ARHGAP24: variants seen among roughly 807,000 people sequenced by gnomAD.
ARHGAP24 encodes Rho GTPase activating protein 24.
Under a neutral mutation model 76.4 loss-of-function variants are expected in ARHGAP24, and 50 were observed. That is an observed-to-expected ratio of 0.65 (90% confidence interval 0.52 to 0.83). The LOEUF (loss-of-function observed/expected upper bound fraction) is 0.83. Ranked by LOEUF, ARHGAP24 falls within the 40% of genes least tolerant of loss-of-function variation. The probability of loss-of-function intolerance (pLI) is 0.00; values close to 1 mark genes in which losing one functional copy is unlikely to be tolerated. For missense variants in ARHGAP24, 930 were observed against 914.2 expected, an observed-to-expected ratio of 1.02 and a Z score of -0.22; for synonymous variants, 345 against 323.3, an observed-to-expected ratio of 1.07 and a Z score of -0.72.
chr4:85,650,204 C>T (rs1215948594), intron 2 of ARHGAP24, among the ~76,000 whole-genome samples: 1 of 137,592 alleles, frequency 7.3e-6, no homozygotes, highest in Non-Finnish European at 1.5e-5. Context: ...GATGTTATTA[C>T]CAGTGAAGCA....
intron 3 of ARHGAP24, among the ~76,000 whole-genome samples, chr4:85,772,255 G>GT (rs1261666693): frequency 1.3e-5 from 2 of 152,130 alleles, no homozygotes; most frequent in Non-Finnish European, 2.9e-5. Flanking sequence ...AAGTTTGCCT[G>GT]TAAGAGTCTT....
chr4:85,795,602 G>T (rs1728310763), intron 3 of ARHGAP24, among the ~76,000 whole-genome samples: 1 of 151,998 alleles, frequency 6.6e-6, no homozygotes, highest in Non-Finnish European at 1.5e-5. Context: ...CTCTTTATTT[G>T]TATGTTATTT....
chr4:85,697,539 A>G (rs1723914250), intron 2 of ARHGAP24, among the ~76,000 whole-genome samples: 1 of 152,266 alleles, frequency 6.6e-6, no homozygotes, highest in African/African-American at 2.4e-5. Context: ...AAACCAGTGA[A>G]CATACTTACA....
At chr4:85,699,105 AGT>A (rs1223754616) in intron 2 of ARHGAP24, among the ~76,000 whole-genome samples, 1 of 152,188 alleles carries the variant, frequency 6.6e-6, no homozygotes, top group Non-Finnish European at 1.5e-5. Flanking sequence ...TCAGCCCATA[AGT>A]GGATATTTTT....
intron 1 of ARHGAP24, among the ~76,000 whole-genome samples, chr4:85,514,540 C>A (rs926504574): frequency 6.6e-6 from 1 of 151,536 alleles, no homozygotes; most frequent in South Asian, 2.1e-4. Context: ...ATATATAATC[C>A]ATGTCCCACT....
At position 85,633,367 on chromosome 4, in the gene ARHGAP24, A is replaced by G. The variant is rs535095214; in HGVS notation, c.180+62646A>G. On this transcript the variant is annotated intron_variant, in intron 2 of 9. Transcript: ENST00000395184. ...TTACCCAGTACAAATGATTTTTGGC[A>G]AATTAGCATATAGTCTGCTCCTTTC... 7.9e-5 allele frequency among the ~76,000 whole-genome samples: 12 copies of G among 152,036 alleles called. No individual in the cohort carries two copies. In the South Asian group the frequency reaches 2.5e-3, roughly 31 times the overall value.
chr4:85,888,337 T>C (rs1733687910), intron 3 of ARHGAP24, among the ~76,000 whole-genome samples: 1 of 149,096 alleles, frequency 6.7e-6, no homozygotes, highest in Non-Finnish European at 1.5e-5. Context: ...GAGGCAGAGG[T>C]TGCAGTGAGC....
At chr4:85,483,742 A>G (rs1722909741) in intron 1 of ARHGAP24, among the ~76,000 whole-genome samples, 1 of 152,094 alleles carries the variant, frequency 6.6e-6, no homozygotes, top group South Asian at 2.1e-4. Flanking sequence ...TGTGCTTCTG[A>G]TTATTTATAA....
In ARHGAP24 at chr4:85,871,460, G is replaced by A. The variant is rs147006463; in HGVS notation, c.269-52188G>A. Among the ~76,000 whole-genome samples the A allele has an allele frequency of 1.3e-3, 196 of 152,170 alleles. 1 individual carries two copies. The highest frequency in any genetic ancestry group is 4.6e-3 in the African/African-American group (190 of 41,514). On this transcript the variant is annotated intron_variant, in intron 3 of 9. Coordinates refer to ENST00000395184, the MANE Select transcript of ARHGAP24 (RefSeq NM_001025616.3). ...CAACTCTTTCTTTGACAACTGTTTTGTAACATCACTTTCTACAGAAAGAAT... is the reference window on the plus strand; with the variant it reads ...CAACTCTTTCTTTGACAACTGTTTTATAACATCACTTTCTACAGAAAGAAT...
chr4:85,611,270 A>C (rs1027996470), intron 2 of ARHGAP24, among the ~76,000 whole-genome samples: 2 of 152,318 alleles, frequency 1.3e-5, no homozygotes, highest in East Asian at 1.9e-4. Flanking sequence ...TTGCTTCCTA[A>C]TGTGACCTGG....
intron 3 of ARHGAP24, among the ~76,000 whole-genome samples, chr4:85,823,078 T>C (rs951021179): frequency 3.3e-5 from 5 of 152,198 alleles, no homozygotes; most frequent in Admixed American, 1.3e-4. Context: ...GAACTAGAGT[T>C]ACTATTTTCT....
intron 3 of ARHGAP24, among the ~76,000 whole-genome samples, chr4:85,908,010 C>T (rs1156511400): frequency 6.6e-6 from 1 of 152,112 alleles, no homozygotes; most frequent in African/African-American, 2.4e-5. Context: ...AAGTTCAGAG[C>T]AGGTGGAAAC....
chr4:85,661,244 A>G (rs898722633), intron 2 of ARHGAP24, among the ~76,000 whole-genome samples: 2 of 116,918 alleles, frequency 1.7e-5, no homozygotes, highest in African/African-American at 3.4e-5. Flanking sequence ...TAAAAAAAGT[A>G]GCTTAGTTAA....
intron 3 of ARHGAP24, among the ~76,000 whole-genome samples, chr4:85,837,421 T>TAGAA (rs1316402738): frequency 6.6e-6 from 1 of 152,188 alleles, no homozygotes; most frequent in Non-Finnish European, 1.5e-5. Context: ...CACTGACTTC[T>TAGAA]GCCTCTCCTG....
intron 2 of ARHGAP24, among the ~76,000 whole-genome samples, chr4:85,595,535 C>T (rs2869376): frequency 0.93 from 141,680 of 152,178 alleles, 65,994 homozygotes; most frequent in East Asian, 0.98. Flanking sequence ...ATATCTCTAC[C>T]GAATTACAAA....
chr4:85,580,922 T>C (rs1467601031), intron 2 of ARHGAP24, among the ~76,000 whole-genome samples: 2 of 152,184 alleles, frequency 1.3e-5, no homozygotes, highest in African/African-American at 4.8e-5. Flanking sequence ...TCAGAGACAA[T>C]AGAATAATTC....
Position 85,975,183 on chromosome 4 carries a change from C to A in ARHGAP24, c.806+222C>A, listed in dbSNP as rs1739250514. 2.0e-5 allele frequency among the ~76,000 whole-genome samples: 3 copies of A among 152,178 alleles called. No individual in the cohort carries two copies. In the South Asian group the frequency reaches 6.2e-4, roughly 31 times the overall value. Reference sequence around the variant, plus strand: ...TTGAAGTTTCTCTTGCCTCTACACACTAAAGATAGGTTGTTTTGAACTTCA... The same window carrying A: ...TTGAAGTTTCTCTTGCCTCTACACAATAAAGATAGGTTGTTTTGAACTTCA... On this transcript the variant is annotated intron_variant, in intron 7 of 9. Coordinates refer to ENST00000395184, the MANE Select transcript of ARHGAP24 (RefSeq NM_001025616.3).
intron 2 of ARHGAP24, among the ~76,000 whole-genome samples, chr4:85,702,983 C>G (rs1724155003): frequency 1.3e-5 from 2 of 151,062 alleles, no homozygotes. Context: ...AGTGAGACCC[C>G]CACCGAGAAG....
chr4:85,703,590 C>T (rs1234267522), intron 2 of ARHGAP24, among the ~76,000 whole-genome samples: 1 of 152,100 alleles, frequency 6.6e-6, no homozygotes, highest in Non-Finnish European at 1.5e-5. Context: ...AGATCCTTGC[C>T]TCTTCTGCCA....
Sources: allele counts gnomAD v4.1 joint callset (sites outside exome capture counted in the v4.1 genomes callset), GRCh38; gene constraint gnomAD v4.1.1; transcripts MANE v1.5; gene names NCBI Gene and HGNC (gene_info 2026-07-23, HGNC 2026-07-21).